The following RALYL variants were observed in gnomAD, a reference collection of about 807,000 sequenced individuals.
RALYL encodes RALY RNA binding protein like.
Under a neutral mutation model 35.1 loss-of-function variants are expected in RALYL, and 29 were observed. The ratio of observed to expected loss-of-function variants is 0.83; its 90% CI spans 0.61 to 1.13. RALYL has a LOEUF of 1.13. Among genes scored for constraint, RALYL ranks in the 50% most tolerant of loss-of-function variants. The probability of loss-of-function intolerance (pLI) is 0.00; values close to 1 mark genes in which losing one functional copy is unlikely to be tolerated. For missense variants in RALYL, 359 were observed against 360.4 expected (o/e 1.00, Z 0.03); for synonymous variants, 120 against 127.6 (o/e 0.94, Z 0.40).
intron 2 of RALYL, among the ~76,000 whole-genome samples, chr8:84,619,270 G>T (rs1332723882): frequency 6.6e-6 from 1 of 151,724 alleles, no homozygotes; most frequent in Admixed American, 6.6e-5. Flanking sequence ...TTATGAATCT[G>T]GGTGCTCCGT....
intron 1 of RALYL, among the ~76,000 whole-genome samples, chr8:84,385,979 C>T (rs1483177409): frequency 6.6e-6 from 1 of 151,794 alleles, no homozygotes; most frequent in Non-Finnish European, 1.5e-5. Flanking sequence ...TTATATTTCA[C>T]CCTGACAACT....
chr8:84,844,339 A>G (rs1002602554), intron 4 of RALYL, among the ~76,000 whole-genome samples: 127 of 152,372 alleles, frequency 8.3e-4, no homozygotes, highest in African/African-American at 3.0e-3. Flanking sequence ...AAAAGAAGAC[A>G]TTTATGCATC....
At chr8:84,412,323 T>G (rs531700375) in intron 1 of RALYL, among the ~76,000 whole-genome samples, 2 of 152,026 alleles carry the variant, frequency 1.3e-5, no homozygotes, top group South Asian at 4.1e-4. Context: ...TCATTACAAT[T>G]TTATTTTATT....
intron 2 of RALYL, among the ~76,000 whole-genome samples, chr8:84,720,889 G>C (rs1038920324): frequency 2.0e-5 from 3 of 151,894 alleles, no homozygotes; most frequent in Non-Finnish European, 4.4e-5. Context: ...TGAAAAAATT[G>C]TCAGCATCAC....
intron 1 of RALYL, among the ~76,000 whole-genome samples, chr8:84,390,699 C>T (rs771833286): frequency 2.6e-5 from 4 of 151,934 alleles, no homozygotes; most frequent in Admixed American, 1.3e-4. Flanking sequence ...TCCCCTTTAT[C>T]ATTTTTTACT....
chr8:84,517,541 T>C (rs968920548), intron 1 of RALYL, among the ~76,000 whole-genome samples: 47 of 152,210 alleles, frequency 3.1e-4, no homozygotes, highest in Non-Finnish European at 5.0e-4. Context: ...GGCTGTGTCA[T>C]ATATCCAAAG....
At chr8:84,615,427 C>T (rs1213801827) in intron 2 of RALYL, among the ~76,000 whole-genome samples, 1 of 151,116 alleles carries the variant, frequency 6.6e-6, no homozygotes, top group Non-Finnish European at 1.5e-5. Context: ...TATATACCAT[C>T]TTATTCCAGA....
chr8:84,893,066 T>C (rs188229002), intron 8 of RALYL, among the ~76,000 whole-genome samples: 34 of 152,300 alleles, frequency 2.2e-4, no homozygotes, highest in African/African-American at 7.9e-4. Context: ...CAGCATGTCA[T>C]GGTAAGAACC....
intron 2 of RALYL, among the ~76,000 whole-genome samples, chr8:84,695,258 A>C (rs1264766194): frequency 2.6e-5 from 4 of 151,732 alleles, no homozygotes; most frequent in Non-Finnish European, 4.4e-5. Context: ...ATGGGCACCA[A>C]CTCACAAACA....
intron 1 of RALYL, among the ~76,000 whole-genome samples, chr8:84,305,858 C>A (rs1479586560): frequency 6.6e-6 from 1 of 152,062 alleles, no homozygotes; most frequent in African/African-American, 2.4e-5. Context: ...AAGGAAGGCA[C>A]TGTGATTTGT....
At chr8:84,203,871 ACATCATCC>A (rs1817479057) in intron 1 of RALYL, among the ~76,000 whole-genome samples, 1 of 152,104 alleles carries the variant, frequency 6.6e-6, no homozygotes, top group African/African-American at 2.4e-5. Context: ...GATGAAAAAA[ACATCATCC>A]CATTCTCAAT....
In RALYL at chr8:84,464,403, G is replaced by A. The variant is rs373876238; in HGVS notation, c.-23-64896G>A. Among the ~76,000 whole-genome samples, 27 of 150,418 alleles carry A rather than the reference G, an allele frequency of 1.8e-4. No individual in the cohort carries two copies. In the East Asian group the frequency reaches 5.1e-3, roughly 29 times the overall value. ...GAGAATATGCGGTGTTTGGTTTTTT[G>A]TTCTTGCGATAGTTTACTGAGAATG... On this transcript the variant is annotated intron_variant, in intron 1 of 8. Transcript: ENST00000521268.
intron 1 of RALYL, among the ~76,000 whole-genome samples, chr8:84,468,044 T>C (rs1067019): frequency 0.55 from 76,716 of 139,802 alleles, 20,931 homozygotes; most frequent in Middle Eastern, 0.61. Context: ...TGTCTCTGCA[T>C]GTGAGATGGG....
At chr8:84,858,700 G>C (rs1837523720) in intron 5 of RALYL, among the ~76,000 whole-genome samples, 1 of 152,160 alleles carries the variant, frequency 6.6e-6, no homozygotes, top group African/African-American at 2.4e-5. Context: ...ATTCTGATGA[G>C]AAGGCCAATA....
intron 1 of RALYL, among the ~76,000 whole-genome samples, chr8:84,203,498 G>A (rs1437869660): frequency 1.3e-5 from 2 of 152,032 alleles, no homozygotes; most frequent in Non-Finnish European, 2.9e-5. Context: ...ATATTCTGTA[G>A]CCTGTTGGTT....
chr8:84,387,453 G>A (rs943621331), intron 1 of RALYL, among the ~76,000 whole-genome samples: 1 of 151,726 alleles, frequency 6.6e-6, no homozygotes, highest in Non-Finnish European at 1.5e-5. Context: ...AAAATTTCCA[G>A]GCTGTACTTA....
chr8:84,562,988 A>C (rs1327124967), intron 2 of RALYL, among the ~76,000 whole-genome samples: 1 of 151,856 alleles, frequency 6.6e-6, no homozygotes, highest in Admixed American at 6.6e-5. Flanking sequence ...CCTTGCAGAG[A>C]AATGTAGATT....
intron 1 of RALYL, among the ~76,000 whole-genome samples, chr8:84,203,405 T>C (rs571016368): frequency 6.6e-6 from 1 of 152,270 alleles, no homozygotes; most frequent in South Asian, 2.1e-4. Context: ...CAAGTGCTTT[T>C]ATTTAATTTA....
chr8:84,556,071 A>G (rs2061095947), intron 2 of RALYL, among the ~76,000 whole-genome samples: 2 of 152,242 alleles, frequency 1.3e-5, no homozygotes, highest in Non-Finnish European at 2.9e-5. Flanking sequence ...TATCATGTAC[A>G]TTTGCAGGAA....
Sources: allele counts gnomAD v4.1 joint callset (sites outside exome capture counted in the v4.1 genomes callset), GRCh38; gene constraint gnomAD v4.1.1; transcripts MANE v1.5; gene names NCBI Gene and HGNC (gene_info 2026-07-23, HGNC 2026-07-21).